The following CSGALNACT1 variants were observed in gnomAD, a reference collection of about 807,000 sequenced individuals.
CSGALNACT1 encodes beta4GalNAcT-1.
Under a neutral mutation model 51.0 loss-of-function variants are expected in CSGALNACT1, and 52 were observed. The ratio of observed to expected loss-of-function variants is 1.02; its 90% CI spans 0.82 to 1.29. CSGALNACT1 has a LOEUF of 1.29. Ranked by LOEUF, CSGALNACT1 falls within the 50% of genes most tolerant of loss-of-function variation. The probability of loss-of-function intolerance (pLI) is 0.00; values close to 1 mark genes in which losing one functional copy is unlikely to be tolerated. For synonymous variants in CSGALNACT1, 341 were observed against 254.4 expected (o/e 1.34, Z -3.24); for missense variants, 935 against 679.2 (o/e 1.38, Z -4.19).
intron 4 of CSGALNACT1, among the ~76,000 whole-genome samples, chr8:19,484,131 G>A (rs190311650): frequency 2.1e-4 from 31 of 147,710 alleles, no homozygotes; most frequent in African/African-American, 7.3e-4. Flanking sequence ...GTATTACTGC[G>A]CTTATGTTCA....
At chr8:19,577,797 T>C (rs547343505) in intron 3 of CSGALNACT1, among the ~76,000 whole-genome samples, 1 of 152,272 alleles carries the variant, frequency 6.6e-6, no homozygotes, top group Admixed American at 6.5e-5. Context: ...TAATACTGTG[T>C]CTTTAACTGT....
At chr8:19,678,927 G>A (rs1193999549) in intron 1 of CSGALNACT1, 1 of 152,090 alleles carries the variant, frequency 6.6e-6, no homozygotes, top group Non-Finnish European at 1.5e-5. Flanking sequence ...ACTCACTAAC[G>A]GCCATCCCAT....
intron 1 of CSGALNACT1, among the ~76,000 whole-genome samples, chr8:19,742,166 A>C (rs2064356549): frequency 1.3e-5 from 2 of 152,224 alleles, no homozygotes; most frequent in African/African-American, 4.8e-5. Context: ...CAGTGAGCAC[A>C]ATATAAATGT....
At chr8:19,575,863 T>C (rs780773480) in intron 3 of CSGALNACT1, among the ~76,000 whole-genome samples, 16 of 152,190 alleles carry the variant, frequency 1.1e-4, no homozygotes, top group Non-Finnish European at 1.8e-4. Flanking sequence ...AGTTGAGTGA[T>C]AGGTTCATGA....
intron 1 of CSGALNACT1, among the ~76,000 whole-genome samples, chr8:19,666,977 AAG>A (rs1491228395): frequency 0.011 from 123 of 11,644 alleles, 1 homozygote; most frequent in African/African-American, 0.065. Context: ...GAAAGAAAGA[AAG>A]AAAGAAAGAA....
chr8:19,580,938 A>G (rs1305153105), intron 3 of CSGALNACT1, among the ~76,000 whole-genome samples: 1 of 152,240 alleles, frequency 6.6e-6, no homozygotes, highest in Non-Finnish European at 1.5e-5. Context: ...TCAGCAGAAG[A>G]AAATCTAATC....
At chr8:19,730,153 G>A (rs1429889900) in intron 1 of CSGALNACT1, among the ~76,000 whole-genome samples, 1 of 152,152 alleles carries the variant, frequency 6.6e-6, no homozygotes, top group Non-Finnish European at 1.5e-5. Flanking sequence ...AAAGCAGAAA[G>A]CTCATTCCTT....
At chr8:19,676,763 A>T (rs1396907105) in intron 1 of CSGALNACT1, among the ~76,000 whole-genome samples, 1 of 152,250 alleles carries the variant, frequency 6.6e-6, no homozygotes, top group Non-Finnish European at 1.5e-5. Flanking sequence ...CATTGGCAAG[A>T]GGAAGAGAAA....
chr8:19,425,010 T>C (rs1397790507), intron 6 of CSGALNACT1, among the ~76,000 whole-genome samples: 7 of 152,178 alleles, frequency 4.6e-5, no homozygotes, highest in African/African-American at 1.4e-4. Flanking sequence ...AAACTCACCA[T>C]GCCAAAAGGA....
chr8:19,677,853 G>C (rs533114630), intron 1 of CSGALNACT1, among the ~76,000 whole-genome samples: 1 of 152,060 alleles, frequency 6.6e-6, no homozygotes, highest in African/African-American at 2.4e-5. Flanking sequence ...AATGTTAAAG[G>C]TCACAGATGA....
chr8:19,485,614 A>C (rs1039167851), intron 4 of CSGALNACT1, among the ~76,000 whole-genome samples: 1 of 152,108 alleles, frequency 6.6e-6, no homozygotes, highest in African/African-American at 2.4e-5. Flanking sequence ...GTACAGAACA[A>C]AGACAAGATG....
At chr8:19,556,100 G>A (rs1356954614) in intron 3 of CSGALNACT1, among the ~76,000 whole-genome samples, 5 of 152,094 alleles carry the variant, frequency 3.3e-5, no homozygotes, top group Non-Finnish European at 5.9e-5. Context: ...GATTTTGGCC[G>A]GGCAGGGTGG....
chr8:19,652,733 T>C (rs377281403), intron 1 of CSGALNACT1, among the ~76,000 whole-genome samples: 31 of 152,336 alleles, frequency 2.0e-4, no homozygotes, highest in African/African-American at 5.3e-4. Flanking sequence ...CCTGTGTTAA[T>C]TGAATTTTGA....
intron 1 of CSGALNACT1, among the ~76,000 whole-genome samples, chr8:19,691,133 A>G (rs10503659): frequency 0.06 from 9,202 of 152,282 alleles, 312 homozygotes; most frequent in Middle Eastern, 0.1. Context: ...TCTGCGGCTT[A>G]TCATAAAATG....
At chr8:19,437,294 A>G (rs923417807) in intron 6 of CSGALNACT1, among the ~76,000 whole-genome samples, 1 of 152,142 alleles carries the variant, frequency 6.6e-6, no homozygotes, top group African/African-American at 2.4e-5. Context: ...AGAAGAGAAT[A>G]ATGGGAGTGC....
At chr8:19,749,043 C>T (rs1416334998) in intron 1 of CSGALNACT1, among the ~76,000 whole-genome samples, 1 of 151,938 alleles carries the variant, frequency 6.6e-6, no homozygotes, top group East Asian at 1.9e-4. Context: ...CTCCGTCTCC[C>T]AGGCCCATTC....
intron 6 of CSGALNACT1, among the ~76,000 whole-genome samples, chr8:19,439,609 G>A (rs890020905): frequency 2.0e-5 from 3 of 152,230 alleles, no homozygotes; most frequent in African/African-American, 7.2e-5. Flanking sequence ...TATCTCCAAT[G>A]TCAAAGTCAT....
intron 1 of CSGALNACT1, among the ~76,000 whole-genome samples, chr8:19,646,699 C>A (rs76212749): frequency 2.0e-5 from 3 of 152,278 alleles, no homozygotes; most frequent in African/African-American, 7.2e-5. Flanking sequence ...TTAAAACTCT[C>A]AGACTCAATT....
intron 1 of CSGALNACT1, among the ~76,000 whole-genome samples, chr8:19,624,095 C>G (rs1229975738): frequency 6.6e-6 from 1 of 152,222 alleles, no homozygotes; most frequent in African/African-American, 2.4e-5. Context: ...GTGCCCAGCA[C>G]CATTCTCCTA....
Sources: gnomAD v4.1 joint callset for allele counts (sites outside exome capture counted in the v4.1 genomes callset) on GRCh38, gnomAD v4.1.1 for gene constraint, MANE v1.5 for transcripts, NCBI Gene and HGNC (gene_info 2026-07-23, HGNC 2026-07-21) for gene names.